FRG1: variants seen among roughly 807,000 people sequenced by gnomAD.
FRG1 encodes protein FRG1.
Under a neutral mutation model 37.0 loss-of-function variants are expected in FRG1, and 19 were observed. That is an observed-to-expected ratio of 0.51 (90% CI 0.36 to 0.75). FRG1 has a LOEUF of 0.75. Ranked by LOEUF, FRG1 falls within the 30% of genes least tolerant of loss-of-function variation. The pLI, the probability that FRG1 is intolerant of heterozygous loss-of-function variation, is 0.00. For missense variants in FRG1, 243 were observed against 301.4 expected (o/e 0.81, Z 1.44); for synonymous variants, 73 against 96.5 (o/e 0.76, Z 1.43).
At chr4:189,948,788 T>C (rs1180267529) in intron 2 of FRG1, among the ~76,000 whole-genome samples, 1 of 152,298 alleles carries the variant, frequency 6.6e-6, no homozygotes, top group East Asian at 1.9e-4. Context: ...CCTCGTAGGC[T>C]CAAGCAATCC....
intron 6 of FRG1, 63 bp from the exon 7 acceptor site, chr4:189,960,685 C>A: frequency 2.3e-6 from 3 of 1,301,972 alleles, no homozygotes; most frequent in Non-Finnish European, 3.2e-6. Flanking sequence ...TTATGTGATA[C>A]GTAAAGTGGG....
At chr4:189,960,891 C>G (rs1167146551) in intron 7 of FRG1, 52 bp downstream of exon 7, 1 of 1,579,954 alleles carries the variant, frequency 6.3e-7, no homozygotes, top group African/African-American at 1.4e-5. Context: ...AAGTGCTTCT[C>G]AAAGTGCTTT....
At chr4:189,955,791 G>A (rs1382991935) in intron 5 of FRG1, among the ~76,000 whole-genome samples, 2 of 152,152 alleles carry the variant, frequency 1.3e-5, no homozygotes, top group Non-Finnish European at 2.9e-5. Flanking sequence ...AAATATGTGA[G>A]TGCTAAACAG....
chr4:189,942,946 G>A (rs77908700), intron 1 of FRG1, among the ~76,000 whole-genome samples: 1 of 152,142 alleles, frequency 6.6e-6, no homozygotes, highest in Non-Finnish European at 1.5e-5. Flanking sequence ...CAAAAATCAC[G>A]GAGCTAAGAA....
In FRG1 at chr4:189,943,198, G is replaced by A; in HGVS notation, c.63-4G>A. The stretch of plus-strand genomic sequence containing the variant: ...AACTCGTCTATATAAATTATGTCCT[G>A]TAGTAAGAAGAAAAAGAGCAAAGAT... On this transcript the variant is annotated splice_region_variant and splice_polypyrimidine_tract_variant and intron_variant, in intron 1 of 8. Coordinates refer to ENST00000226798, the MANE Select transcript of FRG1 (RefSeq NM_004477.3). 1.4e-5 allele frequency: 22 copies of A among 1,580,800 alleles called. No individual in the cohort carries two copies. Among genetic ancestry groups the A allele is most frequent in the Non-Finnish European group, 1.8e-5 (21 of 1,155,168 alleles).
At chr4:189,955,863 A>G (rs1194646487) in intron 5 of FRG1, among the ~76,000 whole-genome samples, 11 of 152,224 alleles carry the variant, frequency 7.2e-5, no homozygotes, top group Admixed American at 7.2e-4. Context: ...ACGCAGAGCA[A>G]GCAAATAGAA....
intron 7 of FRG1, 181 bp downstream of exon 7, chr4:189,961,020 A>G: frequency 1.7e-6 from 1 of 597,106 alleles, no homozygotes; most frequent in Non-Finnish European, 2.9e-6. Flanking sequence ...GTGAGCTCTG[A>G]TCACCACTGC....
rs1736246107 is a variant in FRG1, at chr4:189,940,885, A to G, written c.-125A>G. On this transcript the variant is annotated 5_prime_UTR_variant, in exon 1 of 9. Coordinates refer to ENST00000226798, the MANE Select transcript of FRG1 (RefSeq NM_004477.3). Reference sequence around the variant, plus strand: ...GAAGACGGAGGCGGGTTCTACAGAGACGTAGGCTGTCAGGGAGTGTTTATT... The same window carrying G: ...GAAGACGGAGGCGGGTTCTACAGAGGCGTAGGCTGTCAGGGAGTGTTTATT... The G allele has an allele frequency of 4.4e-6, 3 of 677,526 alleles. No homozygotes were observed. Among genetic ancestry groups the G allele is most frequent in the East Asian group, 2.8e-5 (1 of 35,670 alleles). The allele number at this position is 677,526 out of a possible 1,614,324, so 42.0% of individuals were successfully genotyped here.
chr4:189,953,111 A>G lies in FRG1; in HGVS notation c.303A>G (p.Lys101=), dbSNP rs1174386663. ...CTCCAGAGCAGTTTACGGCTGTCAA[A>G]TTATCTGATTCCAGGTGAGCTTATG... The part of the protein sequence containing the change: ...PSPPEQFTAV[K]LSDSRIALKS... Residue 101 remains lysine, a synonymous_variant, in exon 4 of 9, where the codon AAA becomes AAG. Transcript: ENST00000226798. The G allele has an allele frequency of 2.5e-6, 4 of 1,588,474 alleles. No homozygotes were observed. The highest frequency in any genetic ancestry group is 3.4e-6 in the Non-Finnish European group (4 of 1,169,224).
chr4:189,954,308 T>C (rs2069071917), intron 4 of FRG1, among the ~76,000 whole-genome samples: 2 of 152,266 alleles, frequency 1.3e-5, no homozygotes, highest in East Asian at 1.9e-4. Flanking sequence ...ATAAGAACTT[T>C]ATACTCTTCG....
At chr4:189,941,620 C>T (rs997222210) in intron 1 of FRG1, among the ~76,000 whole-genome samples, 1 of 152,130 alleles carries the variant, frequency 6.6e-6, no homozygotes, top group Non-Finnish European at 1.5e-5. Context: ...TCCATTTACT[C>T]ATTAAGAGAT....
At chr4:189,947,793 C>A (rs55982348) in intron 2 of FRG1, among the ~76,000 whole-genome samples, 1 of 152,202 alleles carries the variant, frequency 6.6e-6, no homozygotes, top group Non-Finnish European at 1.5e-5. Flanking sequence ...GTACCTTATT[C>A]TATAAACTCC....
chr4:189,956,210 G>C (rs1247993115), intron 5 of FRG1, among the ~76,000 whole-genome samples: 4 of 151,992 alleles, frequency 2.6e-5, no homozygotes, highest in African/African-American at 7.3e-5. Flanking sequence ...GAGTCTGTGT[G>C]TATTCCTTCC....
chr4:189,941,840 C>T (rs2126794516), intron 1 of FRG1: 2 of 438,724 alleles, frequency 4.6e-6, no homozygotes, highest in Non-Finnish European at 9.1e-6. Flanking sequence ...CAGATTTGCC[C>T]GAGGTACATA....
At position 189,941,045 on chromosome 4, in the gene FRG1, C is replaced by T. The variant is rs73024914; in HGVS notation, c.36C>T (p.Leu12=). ...ACTCCTACGTGAAGTCTACCAAGCTCGTGCTCAAGGGAACCAAGACGAAGA... is the reference window on the plus strand; with the variant it reads ...ACTCCTACGTGAAGTCTACCAAGCTTGTGCTCAAGGGAACCAAGACGAAGA... The part of the protein sequence containing the change: ...AEYSYVKSTK[L]VLKGTKTKSK... Residue 12 remains leucine, a synonymous_variant, in exon 1 of 9, where the codon CTC becomes CTT. Transcript: ENST00000226798. The T allele has an allele frequency of 1.1e-5, 18 of 1,614,128 alleles. No individual in the cohort carries two copies. The highest frequency in any genetic ancestry group is 8.0e-5 in the African/African-American group (6 of 75,050).
At chr4:189,961,021 TCAC>T (rs1469860172) in intron 7 of FRG1, 182 bp downstream of exon 7, 3 of 595,972 alleles carry the variant, frequency 5.0e-6, no homozygotes, top group African/African-American at 1.9e-5. Flanking sequence ...TGAGCTCTGA[TCAC>T]CACTGCCTTC....
At position 189,952,248 on chromosome 4, in the gene FRG1, G is replaced by A. The variant is rs200624002; in HGVS notation, c.220G>A (p.Asp74Asn). ...TAAGGGAACCTATATACATGCACTCGACAATGGTCTTTTTACCCTGGGAGC... is the reference window on the plus strand; with the variant it reads ...TAAGGGAACCTATATACATGCACTCAACAATGGTCTTTTTACCCTGGGAGC... Reference protein sequence around the residue: ...MDKGTYIHALDNGLFTLGAPH... With the variant: ...MDKGTYIHALNNGLFTLGAPH... The change falls in exon 3 of 9, where the codon GAC becomes AAC. Residue 74 changes from aspartate (D) to asparagine (N), a missense_variant. Transcript: ENST00000226798. The A allele has an allele frequency of 6.8e-6, 11 of 1,610,536 alleles. No individual in the cohort carries two copies. Among genetic ancestry groups the A allele is most frequent in the African/African-American group, 4.0e-5 (3 of 74,794 alleles).
At chr4:189,947,609 A>G (rs1380642085) in intron 2 of FRG1, among the ~76,000 whole-genome samples, 1 of 152,126 alleles carries the variant, frequency 6.6e-6, no homozygotes, top group African/African-American at 2.4e-5. Flanking sequence ...CTGTGTCCCA[A>G]ATTTGTGTGA....
intron 2 of FRG1, among the ~76,000 whole-genome samples, chr4:189,944,107 G>A (rs896622343): frequency 1.3e-5 from 2 of 152,200 alleles, no homozygotes; most frequent in Admixed American, 6.5e-5. Context: ...CTTGCCAAGA[G>A]TTGATGGTGT....
Sources: allele counts gnomAD v4.1 joint callset (sites outside exome capture counted in the v4.1 genomes callset), GRCh38; gene constraint gnomAD v4.1.1; transcripts MANE v1.5; gene names NCBI Gene and HGNC (gene_info 2026-07-23, HGNC 2026-07-21).